Variants in INPP5D observed in about 807,000 individuals in gnomAD.
INPP5D encodes inositol polyphosphate-5-phosphatase D, also known as phosphatidylinositol 3,4,5-trisphosphate 5-phosphatase 1.
INPP5D carries 33 observed loss-of-function variants against 122.9 expected under a neutral mutation model. The ratio of observed to expected loss-of-function variants is 0.27; its 90% CI spans 0.20 to 0.36. The LOEUF (loss-of-function observed/expected upper bound fraction) is 0.36, where lower values mean the gene tolerates loss of function less well. Among genes scored for constraint, INPP5D ranks in the 10% least tolerant of loss-of-function variants. INPP5D has a pLI of 1.00. For missense variants in INPP5D, 1,053 were observed against 1,412.7 expected, an observed-to-expected ratio of 0.75 and a Z score of 4.08; for synonymous variants, 584 against 576.2, an observed-to-expected ratio of 1.01 and a Z score of -0.19.
chr2:233,197,404 T>A lies in INPP5D; in HGVS notation c.2694-691T>A, dbSNP rs1695211949. Among the ~76,000 whole-genome samples the A allele has an allele frequency of 6.6e-6, 1 of 152,208 alleles. No homozygotes were observed. Among genetic ancestry groups the A allele is most frequent in the Admixed American group, 6.5e-5 (1 of 15,286 alleles). ...CTGCACACACAAATGTGTGAGCTGA[T>A]GTGTTCCAGAGGAACCCCTGCTGGA... On this transcript the variant is annotated intron_variant, in intron 24 of 26. Transcript: ENST00000445964. This position sits in a 1 kb window ranked among gnomAD's most constrained non-coding sequence, Gnocchi z 4.4.
At chr2:233,119,225 A>G (rs548752222) in intron 2 of INPP5D, among the ~76,000 whole-genome samples, 1 of 152,272 alleles carries the variant, frequency 6.6e-6, no homozygotes, top group Admixed American at 6.5e-5. Context: ...CCAGCCGAGA[A>G]TCCTTTTCTG....
intron 2 of INPP5D, among the ~76,000 whole-genome samples, chr2:233,107,845 C>T (rs982399860): frequency 7.9e-5 from 12 of 152,080 alleles, no homozygotes; most frequent in African/African-American, 2.7e-4. Flanking sequence ...GCTCAGTCTT[C>T]GCTTTCCTTC....
intron 1 of INPP5D, among the ~76,000 whole-genome samples, chr2:233,062,791 G>A (rs1044741407): frequency 2.6e-5 from 4 of 152,114 alleles, no homozygotes; most frequent in African/African-American, 9.7e-5. Flanking sequence ...TCCACTGTAG[G>A]CCGTGGGTTG....
intron 2 of INPP5D, among the ~76,000 whole-genome samples, chr2:233,108,544 A>G (rs886809407): frequency 7.2e-5 from 11 of 152,164 alleles, no homozygotes; most frequent in African/African-American, 2.7e-4. Flanking sequence ...AAACGAGATG[A>G]GGTCTTGCGA....
Position 233,128,546 on chromosome 2 carries a change from C to T in INPP5D, c.525-1962C>T, listed in dbSNP as rs940487653. Among the ~76,000 whole-genome samples, 2 of 152,146 alleles carry T rather than the reference C, an allele frequency of 1.3e-5. No individual in the cohort carries two copies. Among genetic ancestry groups the T allele is most frequent in the East Asian group, 3.9e-4 (2 of 5,180 alleles). The stretch of plus-strand genomic sequence containing the variant: ...AAGCTGGAACACAGTGGCGCGATCT[C>T]GGCTCACTGCAACCTCTACCTCCTG... On this transcript the variant is annotated intron_variant, in intron 4 of 26. Transcript: ENST00000445964. This position sits in a 1 kb window ranked among gnomAD's most constrained non-coding sequence, Gnocchi z 4.5.
rs1265461868 is a variant in INPP5D, at chr2:233,177,230, A to G, written c.1990-35A>G. The G allele has an allele frequency of 6.2e-7, 1 of 1,612,942 alleles. No individual in the cohort carries two copies. Among genetic ancestry groups the G allele is most frequent in the Non-Finnish European group, 8.5e-7 (1 of 1,179,232 alleles). On this transcript the variant is annotated intron_variant, in intron 17 of 26. Coordinates refer to ENST00000445964, the MANE Select transcript of INPP5D (RefSeq NM_001017915.3). This position sits in a 1 kb window ranked among gnomAD's most constrained non-coding sequence, Gnocchi z 4.2. ...TACTGATTAAAAAAATAATAATAAG[A>G]GGCATTTTTTAAAGCCTATGACTTT...
intron 2 of INPP5D, among the ~76,000 whole-genome samples, chr2:233,104,421 C>T (rs560867910): frequency 2.6e-5 from 4 of 152,284 alleles, no homozygotes; most frequent in Admixed American, 6.5e-5. Flanking sequence ...TTTGCATGCT[C>T]GGTCACACTT....
At chr2:233,080,863 G>A (rs902222489) in intron 2 of INPP5D, among the ~76,000 whole-genome samples, 10 of 152,186 alleles carry the variant, frequency 6.6e-5, no homozygotes, top group African/African-American at 2.4e-4. Flanking sequence ...TTCGAGGAGC[G>A]ATGTGATTGA....
chr2:233,079,319 C>A lies in INPP5D; in HGVS notation c.135-16C>A. Reference sequence around the variant, plus strand: ...CTTCCTGCATGGGTTCTAATAAAGTCTTTGATCTATTTCAGGTATCGGAAT... The same window carrying A: ...CTTCCTGCATGGGTTCTAATAAAGTATTTGATCTATTTCAGGTATCGGAAT... On this transcript the variant is annotated splice_polypyrimidine_tract_variant and intron_variant, in intron 1 of 26. Transcript: ENST00000445964. 14 of 1,556,492 alleles carry A rather than the reference C, an allele frequency of 9.0e-6. No individual in the cohort carries two copies. The highest frequency in any genetic ancestry group is 1.2e-5 in the Non-Finnish European group (14 of 1,127,774).
At position 233,206,610 on chromosome 2, in the gene INPP5D, C is replaced by T. The variant is rs182950340; in HGVS notation, c.3568-96C>T. The T allele has an allele frequency of 5.7e-6, 4 of 703,130 alleles. No homozygotes were observed. The highest frequency in any genetic ancestry group is 5.4e-5 in the East Asian group (2 of 37,326). 43.6% of individuals were successfully genotyped at this position (703,130 alleles called of 1,614,324 possible). ...TTCTCAGCTACACGTTAAAGGAAGC[C>T]TGGCCTAGCCCACAGCATGCAGGGA... On this transcript the variant is annotated intron_variant, in intron 26 of 26. Coordinates refer to ENST00000445964, the MANE Select transcript of INPP5D (RefSeq NM_001017915.3). The surrounding 1 kb of genome is among the most constrained non-coding windows in gnomAD (Gnocchi z 4.0).
chr2:233,105,205 C>A lies in INPP5D; in HGVS notation c.199-16902C>A, dbSNP rs948928561. 6.6e-6 allele frequency among the ~76,000 whole-genome samples: 1 copy of A among 152,176 alleles called. No individual in the cohort carries two copies. The highest frequency in any genetic ancestry group is 1.5e-5 in the Non-Finnish European group (1 of 68,016). ...GAGCCCCCAGAAGTGGGGATGGGAG[C>A]AGGGGGGCGGTCAGTGGGTCCCAGG... is the stretch of plus-strand genomic sequence containing the variant. On this transcript the variant is annotated intron_variant, in intron 2 of 26. Transcript: ENST00000445964. This position sits in a 1 kb window ranked among gnomAD's most constrained non-coding sequence, Gnocchi z 4.0.
intron 6 of INPP5D, among the ~76,000 whole-genome samples, chr2:233,142,046 T>C (rs1693643009): frequency 6.6e-6 from 1 of 152,222 alleles, no homozygotes; most frequent in Non-Finnish European, 1.5e-5. Context: ...CTTAAGTAGT[T>C]TGAGTGGAAG....
At chr2:233,112,616 CAG>C (rs1692662372) in intron 2 of INPP5D, among the ~76,000 whole-genome samples, 1 of 152,190 alleles carries the variant, frequency 6.6e-6, no homozygotes, top group African/African-American at 2.4e-5. Context: ...TCGCAGCAGA[CAG>C]AGTGAGGAAA....
chr2:233,174,809 A>G (rs1005252971), intron 17 of INPP5D, among the ~76,000 whole-genome samples: 1 of 151,622 alleles, frequency 6.6e-6, no homozygotes. Context: ...AAAAAAAAAA[A>G]AGGACTTAAC....
Position 233,177,450 on chromosome 2 carries a change from A to C in INPP5D, c.2071+104A>C. On this transcript the variant is annotated intron_variant, in intron 18 of 26. Transcript: ENST00000445964. The surrounding 1 kb of genome is among the most constrained non-coding windows in gnomAD (Gnocchi z 4.2). The stretch of plus-strand genomic sequence containing the variant: ...AAGGGCTTCAGTCTGTTGATGTGTC[A>C]AAGGGAGGAATTCACTGTAACCCTA... The C allele has an allele frequency of 6.3e-7, 1 of 1,581,036 alleles. No individual in the cohort carries two copies. The highest frequency in any genetic ancestry group is 1.1e-5 in the South Asian group (1 of 89,082).
chr2:233,084,050 CTGTTTTGTTT>C (rs1016935069), intron 2 of INPP5D, among the ~76,000 whole-genome samples: 2 of 152,056 alleles, frequency 1.3e-5, no homozygotes, highest in Admixed American at 1.3e-4. Flanking sequence ...AGGTGTTTTT[CTGTTTTGTTT>C]TGTTTTGTTT....
chr2:233,094,512 C>CAAAAAAAAAAAA lies in INPP5D; in HGVS notation c.198+15133_198+15144dup, dbSNP rs58284775. On this transcript the variant is annotated intron_variant, in intron 2 of 26. Transcript: ENST00000445964. ...TGGGCAATAGAGCAAGACTCCATCC[C>CAAAAAAAAAAAA]AAAAAAAAAAAAAAAAAAAAAAAAA... Among the ~76,000 whole-genome samples, 176 of 34,952 alleles carry CAAAAAAAAAAAA rather than the reference C, an allele frequency of 5.0e-3. 73 individuals carry two copies. Among genetic ancestry groups the CAAAAAAAAAAAA allele is most frequent in the African/African-American group, 6.7e-3 (55 of 8,252 alleles). 22.9% of individuals were successfully genotyped at this position (34,952 alleles called of 152,430 possible).
At chr2:233,127,640 C>G (rs544570509) in intron 4 of INPP5D, among the ~76,000 whole-genome samples, 1 of 152,208 alleles carries the variant, frequency 6.6e-6, no homozygotes, top group Non-Finnish European at 1.5e-5. Flanking sequence ...CGGAGTTTTG[C>G]TCTTGTTGCC....
intron 5 of INPP5D, among the ~76,000 whole-genome samples, chr2:233,137,511 A>G (rs1173638901): frequency 6.7e-6 from 1 of 148,262 alleles, no homozygotes; most frequent in Non-Finnish European, 1.5e-5. Context: ...GGCTGGGTGC[A>G]GTGGCAGGAT....
Sources: gnomAD v4.1 joint callset for allele counts (sites outside exome capture counted in the v4.1 genomes callset) on GRCh38, gnomAD v4.1.1 for gene constraint, Gnocchi (gnomAD v3.1) non-coding constraint, MANE v1.5 for transcripts, NCBI Gene and HGNC (gene_info 2026-07-23, HGNC 2026-07-21) for gene names.